GALNTL6: variants seen among roughly 807,000 people sequenced by gnomAD.
GALNTL6 encodes polypeptide N-acetylgalactosaminyltransferase like 6, also known as polypeptide N-acetylgalactosaminyltransferase-like 6.
In GALNTL6, 46 loss-of-function variants were observed where a neutral mutation model predicts 73.7. That is an observed-to-expected ratio of 0.62 (90% CI 0.49 to 0.80). The LOEUF (loss-of-function observed/expected upper bound fraction) is 0.80. GALNTL6 is among the 30% of genes least tolerant of loss of function. The probability of loss-of-function intolerance (pLI) is 0.00; values close to 1 mark genes in which losing one functional copy is unlikely to be tolerated. For missense variants in GALNTL6, 604 were observed against 755.0 expected (o/e 0.80, Z 2.34); for synonymous variants, 259 against 263.7 (o/e 0.98, Z 0.17).
At chr4:172,606,598 A>AC (rs1738285832) in intron 5 of GALNTL6, among the ~76,000 whole-genome samples, 2 of 117,080 alleles carry the variant, frequency 1.7e-5, no homozygotes, top group African/African-American at 5.9e-5. Context: ...ATATACACAT[A>AC]TATACATATA....
intron 5 of GALNTL6, among the ~76,000 whole-genome samples, chr4:172,616,628 G>C (rs995039238): frequency 1.4e-5 from 2 of 146,466 alleles, no homozygotes; most frequent in African/African-American, 2.6e-5. Flanking sequence ...GGGAAAAGAA[G>C]GCTTGGTCTA....
chr4:172,575,532 TA>T (rs1461669053), intron 5 of GALNTL6, among the ~76,000 whole-genome samples: 1 of 152,184 alleles, frequency 6.6e-6, no homozygotes, highest in Non-Finnish European at 1.5e-5. Context: ...AGATATTATT[TA>T]AAAACAGATC....
chr4:172,311,858 A>G (rs1740376331), intron 4 of GALNTL6, 106 bp downstream of exon 4: 4 of 750,846 alleles, frequency 5.3e-6, no homozygotes, highest in Non-Finnish European at 8.0e-6. Flanking sequence ...CAAATATTTT[A>G]TCCTAATAAT....
intron 5 of GALNTL6, among the ~76,000 whole-genome samples, chr4:172,447,311 T>A (rs995075554): frequency 1.3e-5 from 2 of 152,176 alleles, no homozygotes; most frequent in African/African-American, 4.8e-5. Context: ...CCCATTATAT[T>A]CTGCCCTCAA....
chr4:172,856,732 T>C (rs1744142326), intron 7 of GALNTL6, among the ~76,000 whole-genome samples: 1 of 152,202 alleles, frequency 6.6e-6, no homozygotes, highest in Admixed American at 6.5e-5. Flanking sequence ...GCTTTCAGCT[T>C]TTTTATTCTT....
rs116626306 is a variant in GALNTL6 at position 172,241,228 on chromosome 4, C to T, written c.247+11464C>T. ...CCTGAGGCTCTTCTATGATTTCTCA[C>T]ATTTGTAGCCATCTTAGTTCCCTTC... On this transcript the variant is annotated intron_variant, in intron 3 of 12. Coordinates refer to ENST00000506823, the MANE Select transcript of GALNTL6 (RefSeq NM_001034845.3). Among the ~76,000 whole-genome samples, 656 of 152,250 alleles carry T rather than the reference C, an allele frequency of 4.3e-3. 7 individuals carry two copies. Among genetic ancestry groups the T allele is most frequent in the African/African-American group, 0.015 (629 of 41,572 alleles).
intron 5 of GALNTL6, among the ~76,000 whole-genome samples, chr4:172,443,779 CAACACAGAA>C (rs1432406881): frequency 3.3e-5 from 5 of 152,090 alleles, no homozygotes; most frequent in Non-Finnish European, 7.4e-5. Flanking sequence ...GTTTATCTTT[CAACACAGAA>C]AACTGAAAAC....
At chr4:172,711,285 T>C (rs1275472788) in intron 5 of GALNTL6, among the ~76,000 whole-genome samples, 1 of 152,044 alleles carries the variant, frequency 6.6e-6, no homozygotes, top group Non-Finnish European at 1.5e-5. Context: ...ATGTCTTAGG[T>C]GAGAGTTTTC....
intron 5 of GALNTL6, among the ~76,000 whole-genome samples, chr4:172,676,735 A>G (rs1560873557): frequency 6.6e-6 from 1 of 152,132 alleles, no homozygotes; most frequent in Non-Finnish European, 1.5e-5. Flanking sequence ...CACACATCTC[A>G]TTTTTATAAC....
chr4:172,358,698 A>G (rs2111234424), intron 5 of GALNTL6, among the ~76,000 whole-genome samples: 1 of 152,294 alleles, frequency 6.6e-6, no homozygotes, highest in East Asian at 1.9e-4. Flanking sequence ...ATGAATAATA[A>G]TAGTCATGTA....
At chr4:171,935,439 T>A (rs547937546) in intron 2 of GALNTL6, among the ~76,000 whole-genome samples, 1 of 152,184 alleles carries the variant, frequency 6.6e-6, no homozygotes, top group African/African-American at 2.4e-5. Context: ...TAAGGCTACA[T>A]TGACCCTGTT....
chr4:172,889,792 T>C lies in GALNTL6; in HGVS notation c.1041+6885T>C, dbSNP rs116053534. 5.8e-3 allele frequency among the ~76,000 whole-genome samples: 878 copies of C among 152,274 alleles called. 7 individuals carry two copies. The highest frequency in any genetic ancestry group is 0.02 in the African/African-American group (823 of 41,572). On this transcript the variant is annotated intron_variant, in intron 8 of 12. Coordinates refer to ENST00000506823, the MANE Select transcript of GALNTL6 (RefSeq NM_001034845.3). ...CATGGAATGAGTTAGAGAGGAGTCC[T>C]TCCTTGTTGATTTTTTGGAATAATT...
At position 172,948,241 on chromosome 4, in the gene GALNTL6, A is replaced by G. The variant is rs556265518; in HGVS notation, c.1150-3796A>G. ...ATGTTTTACTTATGTTTAAATGTTT[A>G]TGTAACACTTATAGCTAGAGGGAAA... On this transcript the variant is annotated intron_variant, in intron 9 of 12. Transcript: ENST00000506823. Among the ~76,000 whole-genome samples, 4 of 152,282 alleles carry G rather than the reference A, an allele frequency of 2.6e-5. No homozygotes were observed. The South Asian group carries it at 6.2e-4, about 24-fold the overall frequency.
chr4:172,291,914 TA>T (rs1185472613), intron 3 of GALNTL6, among the ~76,000 whole-genome samples: 1 of 152,136 alleles, frequency 6.6e-6, no homozygotes. Context: ...ATAATTATAT[TA>T]AAAATAACCA....
At chr4:171,941,399 C>T (rs939764350) in intron 2 of GALNTL6, among the ~76,000 whole-genome samples, 2 of 152,226 alleles carry the variant, frequency 1.3e-5, no homozygotes, top group Admixed American at 1.3e-4. Context: ...ACATTCTTCT[C>T]TTGAAATATG....
At chr4:172,396,392 A>G (rs549838206) in intron 5 of GALNTL6, among the ~76,000 whole-genome samples, 1 of 150,412 alleles carries the variant, frequency 6.6e-6, no homozygotes, top group South Asian at 2.1e-4. Context: ...CAGCAAGGAC[A>G]TTTAAAGTGA....
At chr4:172,338,035 A>C (rs1428129730) in intron 4 of GALNTL6, among the ~76,000 whole-genome samples, 1 of 152,132 alleles carries the variant, frequency 6.6e-6, no homozygotes, top group Admixed American at 6.5e-5. Flanking sequence ...TGAGCTCTAA[A>C]ATTCTTTTAC....
intron 2 of GALNTL6, among the ~76,000 whole-genome samples, chr4:171,934,837 C>G (rs1738293825): frequency 6.6e-6 from 1 of 152,092 alleles, no homozygotes; most frequent in Admixed American, 6.6e-5. Flanking sequence ...TCATATTAAC[C>G]AATTTCTCTT....
In GALNTL6 at chr4:172,030,539, G is replaced by A. The variant is rs945452978; in HGVS notation, c.139-199117G>A. Among the ~76,000 whole-genome samples the A allele has an allele frequency of 1.1e-4, 17 of 151,856 alleles. 1 individual carries two copies. The South Asian group carries it at 2.3e-3, about 20-fold the overall frequency. The stretch of plus-strand genomic sequence containing the variant: ...CAGACTGACCAACATGGCAAAACCC[G>A]TCTCTACCAAAAATACAAAAATTAG... On this transcript the variant is annotated intron_variant, in intron 2 of 12. Transcript: ENST00000506823.
Sources: gnomAD v4.1 joint callset for allele counts (sites outside exome capture counted in the v4.1 genomes callset) on GRCh38, gnomAD v4.1.1 for gene constraint, MANE v1.5 for transcripts, NCBI Gene and HGNC (gene_info 2026-07-23, HGNC 2026-07-21) for gene names.